The following OCA2 variants were observed in gnomAD, a reference collection of about 807,000 sequenced individuals.
OCA2 encodes the protein OCA2 melanosomal transmembrane protein.
A neutral mutation model predicts 100.2 loss-of-function variants in OCA2; 77 were observed. The observed-to-expected ratio is 0.77, with a 90% confidence interval of 0.64 to 0.93. OCA2 has a LOEUF of 0.93. Among genes scored for constraint, OCA2 ranks in the 40% least tolerant of loss-of-function variants. The pLI is 0.00. For missense variants in OCA2, 1,062 were observed against 1,089.1 expected, an observed-to-expected ratio of 0.98 and a Z score of 0.35; for synonymous variants, 432 against 439.2, an observed-to-expected ratio of 0.98 and a Z score of 0.21.
the OCA2 span, among the ~76,000 whole-genome samples, chr15:27,730,732 A>AATATATTTATATAT: frequency 3.9e-5 from 4 of 102,014 alleles, no homozygotes; most frequent in African/African-American, 1.3e-4. Flanking sequence ...AAAAAGACCA[A>AATATATTTATATAT]ATATATATAT....
intron 19 of OCA2, among the ~76,000 whole-genome samples, chr15:27,900,663 T>C (rs1031116097): frequency 3.9e-5 from 6 of 152,208 alleles, no homozygotes; most frequent in African/African-American, 4.8e-5. Flanking sequence ...CTTGTGACCA[T>C]CAAGCAGACA....
chr15:27,911,966 G>C (rs2038414296), intron 19 of OCA2, among the ~76,000 whole-genome samples: 1 of 152,178 alleles, frequency 6.6e-6, no homozygotes, highest in South Asian at 2.1e-4. Context: ...CTGTAGTTGA[G>C]TTAGTAAATC....
At chr15:27,984,914 C>A (rs935174772) in intron 13 of OCA2, 150 bp downstream of exon 13, 71 of 902,268 alleles carry the variant, frequency 7.9e-5, no homozygotes, top group Non-Finnish European at 1.2e-4. Flanking sequence ...AAAGCAGACA[C>A]GAGCTGGACT....
At chr15:27,871,771 C>G (rs2036584511) in intron 20 of OCA2, 92 bp downstream of exon 20, 1 of 912,366 alleles carries the variant, frequency 1.1e-6, no homozygotes, top group Non-Finnish European at 1.8e-6. Context: ...TTAATGGGAC[C>G]TGTTCTTACC....
intron 2 of OCA2, among the ~76,000 whole-genome samples, chr15:28,073,584 T>C (rs1212248412): frequency 6.6e-6 from 1 of 152,042 alleles, no homozygotes; most frequent in African/African-American, 2.4e-5. Flanking sequence ...CAATAGACAC[T>C]GTGGAATACT....
chr15:28,027,222 C>T lies in OCA2; in HGVS notation c.515+649G>A, dbSNP rs139905675. Reference sequence around the variant, plus strand: ...CACGCATGCGCGCCCTAGGCCTACACACGCATGCGTACTCCCACTCCCACG... The same window carrying T: ...CACGCATGCGCGCCCTAGGCCTACATACGCATGCGTACTCCCACTCCCACG... On this transcript the variant is annotated intron_variant, in intron 4 of 23. Transcript: ENST00000354638. 3.1e-3 allele frequency among the ~76,000 whole-genome samples: 469 copies of T among 152,336 alleles called. 1 individual carries two copies. The highest frequency in any genetic ancestry group is 1.0e-2 in the African/African-American group (415 of 41,578).
intron 1 of OCA2, among the ~76,000 whole-genome samples, chr15:28,091,842 G>A (rs1303343326): frequency 6.6e-6 from 1 of 152,164 alleles, no homozygotes; most frequent in African/African-American, 2.4e-5. Context: ...TGTAACCCCA[G>A]CTACTTGGGA....
At chr15:27,813,595 G>C (rs2034165299) in intron 23 of OCA2, among the ~76,000 whole-genome samples, 1 of 152,212 alleles carries the variant, frequency 6.6e-6, no homozygotes, top group South Asian at 2.1e-4. Context: ...CTCATTAAAA[G>C]GGACCTTTCA....
intron 23 of OCA2, among the ~76,000 whole-genome samples, chr15:27,827,147 C>A (rs2034759754): frequency 6.6e-6 from 1 of 152,356 alleles, no homozygotes; most frequent in African/African-American, 2.4e-5. Flanking sequence ...CAGCTTCATT[C>A]TCCACGGATA....
intron 23 of OCA2, among the ~76,000 whole-genome samples, chr15:27,784,127 A>C (rs567894570): frequency 6.6e-6 from 1 of 152,350 alleles, no homozygotes; most frequent in Non-Finnish European, 1.5e-5. Flanking sequence ...AAGTAACAGC[A>C]TGTAGTAATC....
intron 2 of OCA2, among the ~76,000 whole-genome samples, chr15:28,048,577 AATT>A (rs1173463536): frequency 2.6e-5 from 4 of 152,186 alleles, no homozygotes; most frequent in Admixed American, 2.6e-4. Context: ...AAAACCATAA[AATT>A]CTTAGAAAAA....
the OCA2 span, among the ~76,000 whole-genome samples, chr15:27,727,534 C>T: frequency 1.3e-5 from 2 of 152,174 alleles, no homozygotes; most frequent in African/African-American, 4.8e-5. Flanking sequence ...AAAAACAGCA[C>T]CCAGATGCAG....
intron 1 of OCA2, among the ~76,000 whole-genome samples, chr15:28,098,812 G>GT (rs1000325381): frequency 2.0e-5 from 3 of 152,230 alleles, no homozygotes; most frequent in African/African-American, 7.2e-5. Context: ...GGGATTTAGT[G>GT]TTTTCACTCC....
At position 27,824,079 on chromosome 15, in the gene OCA2, A is replaced by T. The variant is rs532188238; in HGVS notation, c.2432+20880T>A. 2.0e-5 allele frequency among the ~76,000 whole-genome samples: 3 copies of T among 152,328 alleles called. No individual in the cohort carries two copies. In the South Asian group the frequency reaches 6.2e-4, roughly 32 times the overall value. On this transcript the variant is annotated intron_variant, in intron 23 of 23. Coordinates refer to ENST00000354638, the MANE Select transcript of OCA2 (RefSeq NM_000275.3). ...TTTAAAGTGCTATAAAGCCCTATGC[A>T]GCCTTTGGCCAGGCGCGGTGGCTCA...
intron 23 of OCA2, among the ~76,000 whole-genome samples, chr15:27,832,816 G>T (rs1391623): frequency 0.75 from 112,741 of 150,184 alleles, 43,716 homozygotes; most frequent in East Asian, 1. Flanking sequence ...AAATATGGCC[G>T]GATTAAATAT....
intron 1 of OCA2, among the ~76,000 whole-genome samples, chr15:28,095,121 G>T (rs918215042): frequency 2.2e-4 from 33 of 152,220 alleles, no homozygotes; most frequent in African/African-American, 8.0e-4. Flanking sequence ...CCAGGTCCAG[G>T]CAGCCCCGGC....
intron 23 of OCA2, among the ~76,000 whole-genome samples, chr15:27,821,568 C>A (rs2034503527): frequency 6.6e-6 from 1 of 151,898 alleles, no homozygotes; most frequent in Admixed American, 6.6e-5. Flanking sequence ...CACACACACA[C>A]AATCATGCAG....
At chr15:28,024,806 C>G (rs375458585) in intron 5 of OCA2, 39 bp downstream of exon 5, 3 of 1,610,954 alleles carry the variant, frequency 1.9e-6, no homozygotes, top group African/African-American at 2.7e-5. Flanking sequence ...AGGGCTTCCA[C>G]GGACCCAACA....
intron 23 of OCA2, among the ~76,000 whole-genome samples, chr15:27,838,400 A>G (rs2035231804): frequency 6.6e-6 from 1 of 152,234 alleles, no homozygotes; most frequent in African/African-American, 2.4e-5. Flanking sequence ...ACAGCTGAGT[A>G]GTAAAAACAA....
Sources: allele counts gnomAD v4.1 joint callset (sites outside exome capture counted in the v4.1 genomes callset), GRCh38; gene constraint gnomAD v4.1.1; transcripts MANE v1.5; gene names NCBI Gene and HGNC (gene_info 2026-07-23, HGNC 2026-07-21).